ZFPM2: variants seen among roughly 807,000 people sequenced by gnomAD.
The protein encoded by ZFPM2 is zinc finger protein ZFPM2.
A neutral mutation model predicts 98.6 loss-of-function variants in ZFPM2; 20 were observed. The observed-to-expected ratio is 0.20, with a 90% CI of 0.14 to 0.29. The LOEUF is 0.29. ZFPM2 is among the 10% of genes least tolerant of loss of function. The pLI is 1.00. For synonymous variants in ZFPM2, 518 were observed against 502.7 expected, an observed-to-expected ratio of 1.03 and a Z score of -0.41; for missense variants, 1,310 against 1,388.6, an observed-to-expected ratio of 0.94 and a Z score of 0.90.
At chr8:105,477,307 C>G (rs1377180109) in intron 3 of ZFPM2, among the ~76,000 whole-genome samples, 1 of 134,358 alleles carries the variant, frequency 7.4e-6, no homozygotes, top group African/African-American at 2.9e-5. Context: ...TGCAGTGGTG[C>G]GATCTCAGCT....
At chr8:105,549,493 T>C (rs1322504943) in intron 3 of ZFPM2, among the ~76,000 whole-genome samples, 2 of 147,034 alleles carry the variant, frequency 1.4e-5, no homozygotes, top group Non-Finnish European at 3.0e-5. Flanking sequence ...TCACAAATCT[T>C]CTCTCCCTCC....
At position 105,625,997 on chromosome 8, in the gene ZFPM2, AGAGG is replaced by A. The variant is rs1249320313; in HGVS notation, c.421-8238_421-8235del. 4.6e-5 allele frequency among the ~76,000 whole-genome samples: 7 copies of A among 151,912 alleles called. No individual in the cohort carries two copies. In the East Asian group the frequency reaches 1.4e-3, roughly 29 times the overall value. Reference sequence around the variant, plus strand: ...AAAAAAAAAAAAGAGAAAGAAAGAAAGAGGGAGGGAGGGAAGGAAGGAAGGAAAG... The same window carrying A: ...AAAAAAAAAAAAGAGAAAGAAAGAAAGAGGGAGGGAAGGAAGGAAGGAAAG... On this transcript the variant is annotated intron_variant, in intron 4 of 7. Coordinates refer to ENST00000407775, the MANE Select transcript of ZFPM2 (RefSeq NM_012082.4).
intron 1 of ZFPM2, among the ~76,000 whole-genome samples, chr8:105,340,189 A>G (rs1222339839): frequency 6.6e-6 from 1 of 151,804 alleles, no homozygotes; most frequent in Admixed American, 6.6e-5. Flanking sequence ...TGTTATCTAG[A>G]CTCACTGAGC....
chr8:105,336,688 C>CACA (rs1812330628), intron 1 of ZFPM2, among the ~76,000 whole-genome samples: 10 of 142,154 alleles, frequency 7.0e-5, no homozygotes, highest in Admixed American at 3.6e-4. Context: ...GTAATATACT[C>CACA]CACACACACA....
At chr8:105,432,925 C>CT (rs952006286) in intron 2 of ZFPM2, among the ~76,000 whole-genome samples, 27 of 151,964 alleles carry the variant, frequency 1.8e-4, no homozygotes, top group Non-Finnish European at 7.4e-5. Context: ...TACAGTGAGA[C>CT]ACTCATATCC....
intron 5 of ZFPM2, among the ~76,000 whole-genome samples, chr8:105,655,223 C>A (rs1469090148): frequency 1.8e-4 from 14 of 76,100 alleles, no homozygotes; most frequent in Admixed American, 1.5e-3. Flanking sequence ...TGCATTGAGT[C>A]TTTTTTTTTT....
intron 1 of ZFPM2, among the ~76,000 whole-genome samples, chr8:105,337,128 C>T (rs1195152003): frequency 6.6e-6 from 1 of 151,682 alleles, no homozygotes; most frequent in Non-Finnish European, 1.5e-5. Context: ...TAGGACAATC[C>T]AGCTGGTTTG....
chr8:105,353,520 G>T lies in ZFPM2; in HGVS notation c.40+34539G>T, dbSNP rs566369980. ...TCCCTGACACCAAAAAACTATGTAG[G>T]TTTAATTTTCTTTTCTCCTTTTCTG... is the stretch of plus-strand genomic sequence containing the variant. On this transcript the variant is annotated intron_variant, in intron 1 of 7. Coordinates refer to ENST00000407775, the MANE Select transcript of ZFPM2 (RefSeq NM_012082.4). 3.9e-5 allele frequency among the ~76,000 whole-genome samples: 6 copies of T among 152,208 alleles called. No homozygotes were observed. In the South Asian group the frequency reaches 1.0e-3, roughly 26 times the overall value.
intron 3 of ZFPM2, among the ~76,000 whole-genome samples, chr8:105,452,144 T>C (rs755324992): frequency 6.6e-6 from 1 of 152,212 alleles, no homozygotes; most frequent in Non-Finnish European, 1.5e-5. Flanking sequence ...ATGCTGTTTA[T>C]ACAAGTGAAA....
intron 3 of ZFPM2, among the ~76,000 whole-genome samples, chr8:105,522,100 T>C (rs1051825373): frequency 1.3e-5 from 2 of 152,218 alleles, no homozygotes; most frequent in African/African-American, 4.8e-5. Flanking sequence ...GAATGAACTA[T>C]TTAAGAAATG....
At chr8:105,651,969 T>C (rs1332535881) in intron 5 of ZFPM2, among the ~76,000 whole-genome samples, 3 of 152,150 alleles carry the variant, frequency 2.0e-5, no homozygotes, top group African/African-American at 7.2e-5. Flanking sequence ...TCCTTTGAAA[T>C]GTTGCATATA....
At chr8:105,581,607 G>A (rs1303849756) in intron 4 of ZFPM2, among the ~76,000 whole-genome samples, 1 of 152,040 alleles carries the variant, frequency 6.6e-6, no homozygotes, top group East Asian at 1.9e-4. Context: ...TGGATATAAT[G>A]GGCAAAAAGA....
At chr8:105,585,405 C>A (rs113101353) in intron 4 of ZFPM2, among the ~76,000 whole-genome samples, 3 of 152,268 alleles carry the variant, frequency 2.0e-5, no homozygotes, top group African/African-American at 7.2e-5. Context: ...ATCACTTCAA[C>A]CTTGACTTAT....
chr8:105,654,051 T>TA (rs1405190857), intron 5 of ZFPM2, among the ~76,000 whole-genome samples: 1 of 151,916 alleles, frequency 6.6e-6, no homozygotes, highest in Non-Finnish European at 1.5e-5. Flanking sequence ...CTTTTCATTG[T>TA]AAAAATGTCC....
chr8:105,428,704 A>G (rs971312039), intron 2 of ZFPM2, among the ~76,000 whole-genome samples: 1 of 152,214 alleles, frequency 6.6e-6, no homozygotes, highest in African/African-American at 2.4e-5. Context: ...TCAACACAAA[A>G]TAAGACTAAA....
rs534041116 is a variant in ZFPM2, at chr8:105,432,213, A to G, written c.200-12067A>G. On this transcript the variant is annotated intron_variant, in intron 2 of 7. Coordinates refer to ENST00000407775, the MANE Select transcript of ZFPM2 (RefSeq NM_012082.4). ...TGCAAATCTGAGCTTTCCATAAGCC[A>G]TAGTAGAGAGAGAAAATGGAAGAGG... Among the ~76,000 whole-genome samples the G allele has an allele frequency of 5.9e-5, 9 of 152,258 alleles. No individual in the cohort carries two copies. In the South Asian group the frequency reaches 1.9e-3, roughly 32 times the overall value.
chr8:105,351,383 T>TGTGTGTGTTTG (rs1341418183), intron 1 of ZFPM2, among the ~76,000 whole-genome samples: 2 of 74,598 alleles, frequency 2.7e-5, no homozygotes, highest in Non-Finnish European at 6.4e-5. Flanking sequence ...GTGTGTGTGT[T>TGTGTGTGTTTG]TGTGTGTGTG....
At chr8:105,646,217 A>T (rs779942835) in intron 5 of ZFPM2, among the ~76,000 whole-genome samples, 1 of 152,108 alleles carries the variant, frequency 6.6e-6, no homozygotes, top group African/African-American at 2.4e-5. Flanking sequence ...AAGAGAGAAC[A>T]TGAAAACTCT....
intron 6 of ZFPM2, among the ~76,000 whole-genome samples, chr8:105,796,068 A>G (rs1362109934): frequency 6.6e-6 from 1 of 152,222 alleles, no homozygotes; most frequent in Non-Finnish European, 1.5e-5. Flanking sequence ...AAATTATCAG[A>G]TGAGTCTGAA....
Sources: allele counts gnomAD v4.1 joint callset (sites outside exome capture counted in the v4.1 genomes callset), GRCh38; gene constraint gnomAD v4.1.1; transcripts MANE v1.5; gene names NCBI Gene and HGNC (gene_info 2026-07-23, HGNC 2026-07-21).